PLSCR5: variants seen among roughly 807,000 people sequenced by gnomAD.
The protein encoded by PLSCR5 is phospholipid scramblase family member 5.
In PLSCR5, 44 loss-of-function variants were observed where a neutral mutation model predicts 33.6. That is an observed-to-expected ratio of 1.31 (90% CI 1.03 to 1.69). The LOEUF (loss-of-function observed/expected upper bound fraction) is 1.69, where lower values mean the gene tolerates loss of function less well. PLSCR5 is among the 40% of genes most tolerant of loss of function. PLSCR5 has a pLI of 0.00. For missense variants in PLSCR5, 375 were observed against 318.7 expected (o/e 1.18, Z -1.34); for synonymous variants, 148 against 112.3 (o/e 1.32, Z -2.01).
chr3:146,590,540 C>T (rs529521765), intron 5 of PLSCR5, among the ~76,000 whole-genome samples: 1 of 152,134 alleles, frequency 6.6e-6, no homozygotes, highest in Non-Finnish European at 1.5e-5. Context: ...GTTTATTCTG[C>T]TTCCCATCCT....
rs770333941 is a variant in PLSCR5, at chr3:146,593,941, C to T, written c.432G>A (p.Trp144Ter). 1.2e-6 allele frequency: 2 copies of T among 1,613,680 alleles called. No homozygotes were observed. The highest frequency in any genetic ancestry group is 2.2e-5 in the East Asian group (1 of 44,872). ...TAACCTCTTGTAGGTAGCAAGGGCA[C>T]CAGCAGCTGTTACATCTCAAGGGCC... is the stretch of plus-strand genomic sequence containing the variant. ...VNRPLRCNSC[W>*]CPCYLQELEI... The change falls in exon 4 of 8, where the codon TGG becomes TGA. Residue 144 changes from tryptophan to a stop codon, truncating the protein, a stop_gained. Transcript: ENST00000443512. LOFTEE classifies it high-confidence loss of function.
chr3:146,588,874 T>A (rs1560106425), intron 6 of PLSCR5, among the ~76,000 whole-genome samples: 1 of 152,212 alleles, frequency 6.6e-6, no homozygotes, highest in Non-Finnish European at 1.5e-5. Flanking sequence ...CTGTTTGTTT[T>A]AATCACTTAT....
chr3:146,600,292 C>A lies in PLSCR5; in HGVS notation c.185G>T (p.Ser62Ile). 3 of 1,569,810 alleles carry A rather than the reference C, an allele frequency of 1.9e-6. No homozygotes were observed. Among genetic ancestry groups the A allele is most frequent in the African/African-American group, 2.7e-5 (2 of 73,906 alleles). The change falls in exon 2 of 8, where the codon AGC becomes ATC. Residue 62 changes from serine (S) to isoleucine (I), a missense_variant. Transcript: ENST00000443512. ...GTAATAGAAAGATAAAAACACCTGG[C>A]TTAAATATTCTAGACCAGGAGGGAG... is the stretch of plus-strand genomic sequence containing the variant. ...VSLPPGLEYL[S>I]QLDLIIIHQQ...
intron 1 of PLSCR5, 109 bp from the exon 2 acceptor site, chr3:146,600,572 T>C: frequency 9.3e-7 from 1 of 1,073,920 alleles, no homozygotes. Context: ...ATCTCCTGCC[T>C]CTCATTTTAA....
chr3:146,597,966 A>G (rs2044775734), intron 2 of PLSCR5, among the ~76,000 whole-genome samples: 1 of 152,146 alleles, frequency 6.6e-6, no homozygotes, highest in Non-Finnish European at 1.5e-5. Context: ...ATTCTTTGAC[A>G]CTATACAGTA....
chr3:146,592,520 T>G (rs1182279373), intron 4 of PLSCR5, among the ~76,000 whole-genome samples: 1 of 152,132 alleles, frequency 6.6e-6, no homozygotes, highest in East Asian at 1.9e-4. Context: ...CCCAATCAAA[T>G]ATTTTGTAAA....
chr3:146,590,713 T>G (rs766293823), intron 5 of PLSCR5, among the ~76,000 whole-genome samples: 12 of 152,080 alleles, frequency 7.9e-5, no homozygotes, highest in Non-Finnish European at 1.5e-4. Context: ...TGCCAAATCC[T>G]TTGGGGATAG....
At chr3:146,581,643 A>T (rs1272292409), downstream of PLSCR5, among the ~76,000 whole-genome samples, 1 of 152,196 alleles carries the variant, frequency 6.6e-6, no homozygotes, top group Non-Finnish European at 1.5e-5. Context: ...AGTTAATAAC[A>T]ATGTTTTGTA....
chr3:146,594,546 G>A (rs953266393), intron 3 of PLSCR5, among the ~76,000 whole-genome samples: 1 of 151,932 alleles, frequency 6.6e-6, no homozygotes, highest in African/African-American at 2.4e-5. Context: ...AAAGGTGTAC[G>A]CTATCCTGCT....
At chr3:146,595,565 C>T (rs956945972) in intron 2 of PLSCR5, among the ~76,000 whole-genome samples, 2 of 151,888 alleles carry the variant, frequency 1.3e-5, no homozygotes, top group African/African-American at 4.8e-5. Flanking sequence ...GTGCACAGTA[C>T]ACTCCAGCCT....
intron 2 of PLSCR5, among the ~76,000 whole-genome samples, chr3:146,596,161 G>A (rs1358035289): frequency 1.3e-5 from 2 of 152,142 alleles, no homozygotes; most frequent in African/African-American, 4.8e-5. Flanking sequence ...TGAAAGTTAT[G>A]TTCTTATAAA....
intron 6 of PLSCR5, among the ~76,000 whole-genome samples, chr3:146,587,801 A>C: frequency 6.6e-6 from 1 of 152,092 alleles, no homozygotes; most frequent in East Asian, 1.9e-4. Context: ...GAGACTGGTA[A>C]GTTAAAATAA....
intron 4 of PLSCR5, among the ~76,000 whole-genome samples, chr3:146,592,400 TTTGA>T (rs2044723703): frequency 1.3e-5 from 2 of 152,098 alleles, no homozygotes; most frequent in Non-Finnish European, 2.9e-5. Flanking sequence ...TAAACACCAG[TTTGA>T]TTGCTGGTTT....
intron 1 of PLSCR5, among the ~76,000 whole-genome samples, chr3:146,604,564 T>C (rs1030944384): frequency 1.3e-5 from 2 of 152,066 alleles, no homozygotes; most frequent in Non-Finnish European, 2.9e-5. Context: ...TAATAACGCA[T>C]GTCAGATTCT....
At chr3:146,577,866 T>C (rs1037739760) in intron 7 of PLSCR5, among the ~76,000 whole-genome samples, 1 of 152,154 alleles carries the variant, frequency 6.6e-6, no homozygotes, top group African/African-American at 2.4e-5. Context: ...TAATGTGAAG[T>C]GTTGCTGCCA....
At chr3:146,591,478 TATG>T (rs1214317536) in intron 5 of PLSCR5, among the ~76,000 whole-genome samples, 13 of 152,190 alleles carry the variant, frequency 8.5e-5, no homozygotes, top group Admixed American at 7.2e-4. Flanking sequence ...CTATGACAGA[TATG>T]ATGGCCAAGG....
At chr3:146,595,674 G>A (rs941450930) in intron 2 of PLSCR5, among the ~76,000 whole-genome samples, 1 of 152,254 alleles carries the variant, frequency 6.6e-6, no homozygotes, top group Non-Finnish European at 1.5e-5. Flanking sequence ...CCGCAATAAT[G>A]AGAAAATTAG....
At chr3:146,597,010 C>G (rs530918096) in intron 2 of PLSCR5, among the ~76,000 whole-genome samples, 3 of 152,152 alleles carry the variant, frequency 2.0e-5, no homozygotes, top group African/African-American at 7.2e-5. Flanking sequence ...AGTGGTAAGC[C>G]TCAACAAGGA....
At position 146,593,881 on chromosome 3, in the gene PLSCR5, C is replaced by G. The variant is rs752290382; in HGVS notation, c.453+39G>C. ...TCCTTTTAAAGAAACAAATGCTAAT[C>G]TTAAAAATCAAAAAGGACAACCAGA... is the stretch of plus-strand genomic sequence containing the variant. On this transcript the variant is annotated intron_variant, in intron 4 of 7. Coordinates refer to ENST00000443512, the MANE Select transcript of PLSCR5 (RefSeq NM_001085420.2). The G allele has an allele frequency of 1.9e-6, 3 of 1,568,874 alleles. No individual in the cohort carries two copies. The African/African-American group carries it at 4.1e-5, about 21-fold the overall frequency.
Sources: gnomAD v4.1 joint callset for allele counts (sites outside exome capture counted in the v4.1 genomes callset) on GRCh38, gnomAD v4.1.1 for gene constraint, MANE v1.5 for transcripts, NCBI Gene and HGNC (gene_info 2026-07-23, HGNC 2026-07-21) for gene names.